Variants in ITPR2 observed in about 807,000 individuals in gnomAD.
ITPR2 encodes inositol 1,4,5-trisphosphate-gated calcium channel ITPR2.
ITPR2 carries 207 observed loss-of-function variants against 317.1 expected under a neutral mutation model. The observed-to-expected ratio is 0.65, with a 90% CI of 0.58 to 0.73. The LOEUF (loss-of-function observed/expected upper bound fraction) is 0.73, where lower values mean the gene tolerates loss of function less well. Ranked by LOEUF, ITPR2 falls within the 30% of genes least tolerant of loss-of-function variation. ITPR2 has a pLI of 0.00. For missense variants in ITPR2, 2,613 were observed against 3,284.0 expected, an observed-to-expected ratio of 0.80 and a Z score of 4.99; for synonymous variants, 1,156 against 1,149.1, an observed-to-expected ratio of 1.01 and a Z score of -0.12.
chr12:26,686,471 T>C lies in ITPR2; in HGVS notation c.1148+10A>G, dbSNP rs776268273. 28 of 1,519,396 alleles carry C rather than the reference T, an allele frequency of 1.8e-5. No homozygotes were observed. The highest frequency in any genetic ancestry group is 2.5e-5 in the Non-Finnish European group (28 of 1,127,854). 94.1% of individuals were successfully genotyped at this position (1,519,396 alleles called of 1,614,324 possible). A position where few individuals can be genotyped will look rare whatever the true frequency, so the allele number is the denominator to read the frequency against. On this transcript the variant is annotated intron_variant, in intron 11 of 56. Coordinates refer to ENST00000381340, the MANE Select transcript of ITPR2 (RefSeq NM_002223.4). ...TCAAAGAAACATCTTTTAACCATAA[T>C]TTTTTTTACCTTGGAACCAGGCAGT...
At chr12:26,427,541 T>C (rs1941096172) in intron 49 of ITPR2, among the ~76,000 whole-genome samples, 1 of 152,182 alleles carries the variant, frequency 6.6e-6, no homozygotes, top group Non-Finnish European at 1.5e-5. Flanking sequence ...CAAAATTCTA[T>C]TGAACATAAT....
intron 23 of ITPR2, chr12:26,627,542 T>C (rs2136822630): frequency 6.5e-6 from 1 of 153,282 alleles, no homozygotes; most frequent in Admixed American, 6.5e-5. Flanking sequence ...GCAAACACCC[T>C]CCACACCATT....
intron 2 of ITPR2, among the ~76,000 whole-genome samples, chr12:26,776,598 G>A (rs1050900103): frequency 1.3e-5 from 2 of 152,184 alleles, no homozygotes; most frequent in Admixed American, 6.5e-5. Context: ...ATGTATGGGA[G>A]GACCCTGATG....
chr12:26,831,950 T>C lies in ITPR2; in HGVS notation c.92+740A>G, dbSNP rs1951117777. 6.6e-6 allele frequency among the ~76,000 whole-genome samples: 1 copy of C among 150,964 alleles called. No homozygotes were observed. The highest frequency in any genetic ancestry group is 6.6e-5 in the Admixed American group (1 of 15,074). Reference sequence around the variant, plus strand: ...ATATATATTTTTCCCCCCATTCAACTCGAATCTCAAGAACTCTTCACTTGG... The same window carrying C: ...ATATATATTTTTCCCCCCATTCAACCCGAATCTCAAGAACTCTTCACTTGG... On this transcript the variant is annotated intron_variant, in intron 1 of 56. Coordinates refer to ENST00000381340, the MANE Select transcript of ITPR2 (RefSeq NM_002223.4). The surrounding 1 kb of genome is among the most constrained non-coding windows in gnomAD (Gnocchi z 4.9).
chr12:26,486,407 A>T, intron 40 of ITPR2, 47 bp from the exon 41 acceptor site: 3 of 1,395,804 alleles, frequency 2.1e-6, no homozygotes, highest in Non-Finnish European at 1.9e-6. Flanking sequence ...ATTTGCTTTT[A>T]CTAATTAAAA....
At chr12:26,353,769 T>A (rs1295529087) in intron 55 of ITPR2, among the ~76,000 whole-genome samples, 1 of 152,204 alleles carries the variant, frequency 6.6e-6, no homozygotes, top group African/African-American at 2.4e-5. Flanking sequence ...GATCATTATA[T>A]TTATTTTCAC....
In ITPR2 at chr12:26,820,184, T is replaced by G. The variant is rs574901235; in HGVS notation, c.92+12506A>C. Among the ~76,000 whole-genome samples, 8 of 152,296 alleles carry G rather than the reference T, an allele frequency of 5.3e-5. No individual in the cohort carries two copies. In the East Asian group the frequency reaches 1.5e-3, roughly 29 times the overall value. On this transcript the variant is annotated intron_variant, in intron 1 of 56. Coordinates refer to ENST00000381340, the MANE Select transcript of ITPR2 (RefSeq NM_002223.4). ...CAACAGATTATTAAAAGACTGATGATGGCAAGATTTAATGACACCATAAAC... is the reference window on the plus strand; with the variant it reads ...CAACAGATTATTAAAAGACTGATGAGGGCAAGATTTAATGACACCATAAAC...
At position 26,686,538 on chromosome 12, in the gene ITPR2, G is replaced by A; in HGVS notation, c.1091C>T (p.Ala364Val). Residue 364 changes from alanine to valine, a missense_variant, in exon 11 of 57, where the codon GCA (alanine) becomes GTA (valine). By Grantham distance (64) the Ala-to-Val change is moderately conservative. Around this residue, in one of 9 missense-constraint regions of ITPR2, gnomAD observed 515 missense variants for 789.4 expected, o/e 0.65. Transcript: ENST00000381340. ...TGTGGCATCTAGTTCAAAAAGGGAT[G>A]CAATGTCATTGCCATGCGGGACTGA... ...LVSVPHGNDI[A>V]SLFELDATTL... is the part of the protein sequence containing the mutation. 1 of 1,612,110 alleles carries A rather than the reference G, an allele frequency of 6.2e-7. No individual in the cohort carries two copies. The highest frequency in any genetic ancestry group is 1.1e-5 in the South Asian group (1 of 90,816).
intron 2 of ITPR2, among the ~76,000 whole-genome samples, chr12:26,751,190 A>G (rs980173767): frequency 2.0e-5 from 3 of 152,226 alleles, no homozygotes; most frequent in African/African-American, 7.2e-5. Flanking sequence ...TCAGTACTAT[A>G]GTAATACATA....
intron 45 of ITPR2, among the ~76,000 whole-genome samples, chr12:26,456,477 T>C (rs1941888304): frequency 6.6e-6 from 1 of 152,222 alleles, no homozygotes; most frequent in Non-Finnish European, 1.5e-5. Context: ...TTGTTTAGCA[T>C]ATAATCAAGA....
At chr12:26,761,057 G>T (rs1949622158) in intron 2 of ITPR2, among the ~76,000 whole-genome samples, 1 of 152,168 alleles carries the variant, frequency 6.6e-6, no homozygotes, top group Admixed American at 6.5e-5. Context: ...GTTCTGTAGA[G>T]CCAGGCTTCA....
intron 45 of ITPR2, among the ~76,000 whole-genome samples, chr12:26,456,352 T>C (rs920648995): frequency 4.6e-5 from 7 of 152,350 alleles, no homozygotes; most frequent in Admixed American, 2.6e-4. Context: ...CATGACAGTT[T>C]ACACATGCCA....
chr12:26,489,904 T>C (rs1942759316), intron 39 of ITPR2, among the ~76,000 whole-genome samples: 1 of 152,072 alleles, frequency 6.6e-6, no homozygotes, highest in Non-Finnish European at 1.5e-5. Context: ...GCAAGTGTCT[T>C]GGGGAGGAGT....
At chr12:26,547,225 T>A (rs949128038) in intron 37 of ITPR2, among the ~76,000 whole-genome samples, 1 of 151,922 alleles carries the variant, frequency 6.6e-6, no homozygotes, top group African/African-American at 2.4e-5. Flanking sequence ...AATAACCTCA[T>A]TAGAAAGTGG....
rs755032474 is a variant in ITPR2 at position 26,415,424 on chromosome 12, A to G, written c.7185T>C (p.Ile2395=). The change falls in exon 51 of 57, where the codon ATT becomes ATC. Residue 2395 remains isoleucine (I), a synonymous_variant. Coordinates refer to ENST00000381340, the MANE Select transcript of ITPR2 (RefSeq NM_002223.4). ...IKSVTRNGRS[I]ILTAVLALIL... ...TGAGAGCCAGGACTGCAGTTAGAATAATAGAGCGGCCATTTCGTGTGACAC... is the reference window on the plus strand; with the variant it reads ...TGAGAGCCAGGACTGCAGTTAGAATGATAGAGCGGCCATTTCGTGTGACAC... 31 of 1,612,530 alleles carry G rather than the reference A, an allele frequency of 1.9e-5. No homozygotes were observed. In the East Asian group the frequency reaches 6.7e-4, roughly 35 times the overall value.
intron 26 of ITPR2, among the ~76,000 whole-genome samples, chr12:26,606,248 G>A (rs548212009): frequency 6.6e-6 from 1 of 151,394 alleles, no homozygotes; most frequent in Admixed American, 6.6e-5. Context: ...ATCTCCAAAT[G>A]ATCCTTTTGA....
chr12:26,735,413 A>T (rs1315129617), intron 2 of ITPR2, among the ~76,000 whole-genome samples: 1 of 152,066 alleles, frequency 6.6e-6, no homozygotes, highest in Admixed American at 6.5e-5. Flanking sequence ...GGGAAGGACA[A>T]GGGAAACAAA....
chr12:26,417,602 C>G (rs1940761316), intron 50 of ITPR2, among the ~76,000 whole-genome samples: 1 of 152,154 alleles, frequency 6.6e-6, no homozygotes, highest in Admixed American at 6.5e-5. Flanking sequence ...CTTGCTTCCC[C>G]TTCACCTTCC....
At chr12:26,453,293 C>A (rs924595774) in intron 45 of ITPR2, among the ~76,000 whole-genome samples, 1 of 152,046 alleles carries the variant, frequency 6.6e-6, no homozygotes, top group Non-Finnish European at 1.5e-5. Context: ...ATTTTCTGAG[C>A]GACTAAAATG....
Sources: allele counts gnomAD v4.1 joint callset (sites outside exome capture counted in the v4.1 genomes callset), GRCh38; gene constraint gnomAD v4.1.1; regional missense constraint gnomAD v4.1.1; non-coding constraint Gnocchi (gnomAD v3.1); transcripts MANE v1.5; gene names NCBI Gene and HGNC (gene_info 2026-07-23, HGNC 2026-07-21).